Variants in MANBA observed in about 807,000 individuals in gnomAD.
MANBA encodes the protein beta-mannosidase.
A neutral mutation model predicts 111.1 loss-of-function variants in MANBA; 83 were observed. The observed-to-expected ratio is 0.75, with a 90% CI of 0.63 to 0.90. The LOEUF (loss-of-function observed/expected upper bound fraction) is 0.90, where lower values mean the gene tolerates loss of function less well. Among genes scored for constraint, MANBA ranks in the 40% least tolerant of loss-of-function variants. The pLI, the probability that MANBA is intolerant of heterozygous loss-of-function variation, is 0.00. For synonymous variants in MANBA, 370 were observed against 378.7 expected (o/e 0.98, Z 0.27); for missense variants, 1,036 against 1,069.0 (o/e 0.97, Z 0.43).
chr4:102,659,748 A>G (rs911889565), intron 11 of MANBA, among the ~76,000 whole-genome samples: 1 of 152,180 alleles, frequency 6.6e-6, no homozygotes. Context: ...TACTTACTAA[A>G]TAAAGCAGTT....
intron 9 of MANBA, among the ~76,000 whole-genome samples, chr4:102,670,382 A>G (rs1265388510): frequency 1.3e-5 from 2 of 152,180 alleles, no homozygotes; most frequent in African/African-American, 2.4e-5. Context: ...CTCAGAGAAT[A>G]TTATAGAATA....
At chr4:102,682,962 C>A (rs1732051725) in intron 7 of MANBA, 1 of 152,170 alleles carries the variant, frequency 6.6e-6, no homozygotes, top group Non-Finnish European at 1.5e-5. Context: ...CAGAAGGAGA[C>A]ACACTTCATA....
At chr4:102,706,491 G>C (rs1173058946) in intron 5 of MANBA, among the ~76,000 whole-genome samples, 1 of 152,132 alleles carries the variant, frequency 6.6e-6, no homozygotes, top group African/African-American at 2.4e-5. Flanking sequence ...AAAAAAATTA[G>C]AAGAAGTGGT....
At chr4:102,635,087 TG>T in intron 15 of MANBA, 42 bp from the exon 16 acceptor site, 1 of 1,607,876 alleles carries the variant, frequency 6.2e-7, no homozygotes, top group Non-Finnish European at 8.5e-7. Context: ...CATTCTTGGT[TG>T]CTATGTTTTT....
intron 12 of MANBA, among the ~76,000 whole-genome samples, chr4:102,657,280 G>A (rs911449614): frequency 6.6e-6 from 1 of 151,142 alleles, no homozygotes. Context: ...GAAAAGGTAA[G>A]ATGACAACAT....
intron 5 of MANBA, among the ~76,000 whole-genome samples, chr4:102,710,695 A>C (rs778262412): frequency 2.0e-5 from 3 of 152,158 alleles, no homozygotes; most frequent in Non-Finnish European, 2.9e-5. Flanking sequence ...AAAAGAGCTC[A>C]AACAACCAAA....
rs760661701 is a variant in MANBA, at chr4:102,632,000, C to T, written c.*57G>A. 2.6e-5 allele frequency: 36 copies of T among 1,411,614 alleles called. No individual in the cohort carries two copies. The highest frequency in any genetic ancestry group is 4.9e-4 in the Middle Eastern group (2 of 4,062). The allele number at this position is 1,411,614 out of a possible 1,614,324, so 87.4% of individuals were successfully genotyped here. On this transcript the variant is annotated 3_prime_UTR_variant, in exon 17 of 17. Coordinates refer to ENST00000647097, the MANE Select transcript of MANBA (RefSeq NM_005908.4). Reference sequence around the variant, plus strand: ...TGTCTCTGTTGCCTTCCTCTCCAGTCGGTGCTTTAGAAATGCTTTATTCCC... The same window carrying T: ...TGTCTCTGTTGCCTTCCTCTCCAGTTGGTGCTTTAGAAATGCTTTATTCCC...
intron 5 of MANBA, 130 bp downstream of exon 5, chr4:102,714,308 A>T: frequency 1.1e-6 from 1 of 926,692 alleles, no homozygotes; most frequent in Non-Finnish European, 1.7e-6. Context: ...TACTTTTATA[A>T]ATTGATTGTA....
chr4:102,703,906 T>C (rs1462826232), intron 5 of MANBA, among the ~76,000 whole-genome samples: 1 of 151,900 alleles, frequency 6.6e-6, no homozygotes, highest in African/African-American at 2.4e-5. Context: ...CCATCCCCAC[T>C]AACACAGTGA....
At chr4:102,738,089 T>C (rs1465138015) in intron 1 of MANBA, among the ~76,000 whole-genome samples, 1 of 152,222 alleles carries the variant, frequency 6.6e-6, no homozygotes, top group Non-Finnish European at 1.5e-5. Flanking sequence ...CCCCTTCTGC[T>C]ACTGCAGCTA....
chr4:102,654,410 T>TA (rs927662116), intron 12 of MANBA, among the ~76,000 whole-genome samples: 2 of 152,206 alleles, frequency 1.3e-5, no homozygotes, highest in African/African-American at 2.4e-5. Context: ...TTTTTAATTT[T>TA]AAAAAACCAA....
chr4:102,744,844 G>T (rs890929363), intron 1 of MANBA, among the ~76,000 whole-genome samples: 1 of 152,148 alleles, frequency 6.6e-6, no homozygotes, highest in Non-Finnish European at 1.5e-5. Context: ...TATTGTTTTT[G>T]ATTTGCTATT....
chr4:102,641,918 G>C (rs2110195512), intron 13 of MANBA, among the ~76,000 whole-genome samples: 1 of 151,084 alleles, frequency 6.6e-6, no homozygotes, highest in Non-Finnish European at 1.5e-5. Context: ...TCTCTTACAG[G>C]AAATTAGCAT....
At chr4:102,697,720 G>GT (rs1732793834) in intron 5 of MANBA, among the ~76,000 whole-genome samples, 1 of 150,340 alleles carries the variant, frequency 6.7e-6, no homozygotes, top group African/African-American at 2.4e-5. Flanking sequence ...GTATTCCATG[G>GT]TGTATATGTG....
chr4:102,714,715 G>A (rs1259889892), intron 4 of MANBA, among the ~76,000 whole-genome samples, 154 bp from the exon 5 acceptor site: 2 of 152,200 alleles, frequency 1.3e-5, no homozygotes, highest in African/African-American at 4.8e-5. Flanking sequence ...TTAAACAATG[G>A]AAATGTATTT....
chr4:102,716,245 G>T (rs1722324770), intron 4 of MANBA, among the ~76,000 whole-genome samples: 1 of 140,326 alleles, frequency 7.1e-6, no homozygotes, highest in South Asian at 2.4e-4. Context: ...GGAGGCGGAG[G>T]TTATAGTGAG....
chr4:102,670,613 G>T (rs890380367), intron 9 of MANBA, among the ~76,000 whole-genome samples: 2 of 152,158 alleles, frequency 1.3e-5, no homozygotes, highest in African/African-American at 4.8e-5. Context: ...GGAGGCAGAG[G>T]CAGGTGGATC....
intron 4 of MANBA, among the ~76,000 whole-genome samples, chr4:102,717,227 C>T (rs552681502): frequency 6.6e-6 from 1 of 152,170 alleles, no homozygotes; most frequent in South Asian, 2.1e-4. Context: ...AGCTCTTCTG[C>T]TTATAATGCT....
chr4:102,683,535 T>G (rs368522382), intron 7 of MANBA, among the ~76,000 whole-genome samples: 1 of 152,226 alleles, frequency 6.6e-6, no homozygotes, highest in African/African-American at 2.4e-5. Context: ...TATTAGTTCA[T>G]TAAAACACGT....
Sources: allele counts gnomAD v4.1 joint callset (sites outside exome capture counted in the v4.1 genomes callset), GRCh38; gene constraint gnomAD v4.1.1; transcripts MANE v1.5; gene names NCBI Gene and HGNC (gene_info 2026-07-23, HGNC 2026-07-21).